Variants in ACSF3 observed in about 807,000 individuals in gnomAD.
The protein encoded by ACSF3 is malonate--CoA ligase ACSF3, mitochondrial.
Under a neutral mutation model 53.2 loss-of-function variants are expected in ACSF3, and 78 were observed. The ratio of observed to expected loss-of-function variants is 1.47; its 90% CI spans 1.22 to 1.77. ACSF3 has a LOEUF of 1.77. ACSF3 is among the 40% of genes most tolerant of loss of function. The probability of loss-of-function intolerance (pLI) is 0.00; values close to 1 mark genes in which losing one functional copy is unlikely to be tolerated. For missense variants in ACSF3, 937 were observed against 771.1 expected, an observed-to-expected ratio of 1.22 and a Z score of -2.55; for synonymous variants, 414 against 333.1, an observed-to-expected ratio of 1.24 and a Z score of -2.65.
chr16:89,101,953 C>G (rs542948287), intron 3 of ACSF3, among the ~76,000 whole-genome samples: 1 of 152,360 alleles, frequency 6.6e-6, no homozygotes, highest in East Asian at 1.9e-4. Flanking sequence ...GCCGTCACTC[C>G]TGGAAGCGGC....
intron 6 of ACSF3, among the ~76,000 whole-genome samples, chr16:89,118,625 C>T (rs1026652163): frequency 6.6e-6 from 1 of 152,220 alleles, no homozygotes; most frequent in Non-Finnish European, 1.5e-5. Context: ...CTGCTCCGTG[C>T]GGTTCCTGTG....
In ACSF3 at chr16:89,154,177, G is replaced by C. The variant is rs1230503810; in HGVS notation, c.1701G>C (p.Lys567Asn). 3.7e-6 allele frequency: 6 copies of C among 1,613,710 alleles called. No individual in the cohort carries two copies. Among genetic ancestry groups the C allele is most frequent in the Admixed American group, 3.3e-5 (2 of 59,974 alleles). Reference sequence around the variant, plus strand: ...ACCAGATGGGCAAGATTGACAAGAAGGCGCTCATCAGGCACTTCCACCCCT... The same window carrying C: ...ACCAGATGGGCAAGATTGACAAGAACGCGCTCATCAGGCACTTCCACCCCT... ...PRNQMGKIDK[K>N]ALIRHFHPS The change falls in exon 11 of 11, where the codon AAG becomes AAC. Residue 567 changes from lysine (K) to asparagine (N), a missense_variant. Lys to Asn is a moderately conservative substitution (Grantham distance 94). Coordinates refer to ENST00000614302, the MANE Select transcript of ACSF3 (RefSeq NM_001243279.3).
chr16:89,136,027 G>A (rs1283727776), intron 8 of ACSF3, among the ~76,000 whole-genome samples: 5 of 152,246 alleles, frequency 3.3e-5, no homozygotes, highest in African/African-American at 7.2e-5. Flanking sequence ...CGCCCGCCTC[G>A]GCCTCCCACA....
At chr16:89,114,099 C>T (rs2151452694) in intron 5 of ACSF3, 1 of 584,690 alleles carries the variant, frequency 1.7e-6, no homozygotes, top group African/African-American at 1.8e-5. Flanking sequence ...GACCTGCTTC[C>T]TTCTAAAATA....
chr16:89,112,606 C>G (rs141624234), intron 5 of ACSF3, among the ~76,000 whole-genome samples: 2 of 152,156 alleles, frequency 1.3e-5, no homozygotes, highest in African/African-American at 2.4e-5. Context: ...TCTGTCTTCT[C>G]TCTGTCTCTC....
At chr16:89,118,774 C>T (rs1009066844) in intron 6 of ACSF3, among the ~76,000 whole-genome samples, 1 of 152,202 alleles carries the variant, frequency 6.6e-6, no homozygotes, top group Admixed American at 6.5e-5. Context: ...TGGCGGTTTC[C>T]GTTCCCTGGG....
intron 8 of ACSF3, chr16:89,136,785 G>A: frequency 1.6e-6 from 2 of 1,287,292 alleles, no homozygotes; most frequent in South Asian, 1.2e-5. Flanking sequence ...TGTGAGGCCA[G>A]GGGTCTCCGC....
chr16:89,124,591 G>T (rs541179393), intron 7 of ACSF3, among the ~76,000 whole-genome samples: 48 of 152,260 alleles, frequency 3.2e-4, no homozygotes, highest in African/African-American at 1.1e-3. Flanking sequence ...CTGTGTGTGT[G>T]ATACCCATGC....
rs1429052215 is a variant in ACSF3 at position 89,101,157 on chromosome 16, T to A, written c.476T>A (p.Val159Glu). ...GAGTACCTGGAGCTCCTGAGCCCGG[T>A]GGTCAGGAAGCTGGGGGTCCCGCTG... ...SQEYLELLSPVVRKLGVPLLP... is the reference protein window; with the variant it reads ...SQEYLELLSPEVRKLGVPLLP... The change falls in exon 3 of 11, where the codon GTG (valine) becomes GAG (glutamate). Residue 159 changes from valine (V) to glutamate (E), a missense_variant. Physicochemically the swap from Val to Glu is moderately radical, Grantham distance 121. Transcript: ENST00000614302. 8 of 1,613,364 alleles carry A rather than the reference T, an allele frequency of 5.0e-6. No homozygotes were observed. The highest frequency in any genetic ancestry group is 1.3e-5 in the African/African-American group (1 of 74,894).
At chr16:89,102,178 T>G (rs1975423754) in intron 3 of ACSF3, among the ~76,000 whole-genome samples, 1 of 152,292 alleles carries the variant, frequency 6.6e-6, no homozygotes, top group African/African-American at 2.4e-5. Context: ...GCTGAGCAGG[T>G]GACGATAATT....
chr16:89,119,158 T>C (rs568709905), intron 6 of ACSF3, among the ~76,000 whole-genome samples: 2 of 152,214 alleles, frequency 1.3e-5, no homozygotes, highest in South Asian at 4.2e-4. Flanking sequence ...ACAATACCAC[T>C]GCTTGGCTGC....
chr16:89,141,203 C>T (rs1397903489), intron 8 of ACSF3: 3 of 1,287,224 alleles, frequency 2.3e-6, no homozygotes, highest in East Asian at 5.5e-5. Flanking sequence ...GCCTCTGAGC[C>T]CTTGATAGCA....
intron 9 of ACSF3, among the ~76,000 whole-genome samples, 194 bp from the exon 10 acceptor site, chr16:89,145,744 C>T (rs752837403): frequency 3.9e-5 from 6 of 152,200 alleles, no homozygotes; most frequent in African/African-American, 9.6e-5. Flanking sequence ...CCAGATCCAC[C>T]GTGGGGAGCC....
At chr16:89,104,211 A>G (rs1045235719) in intron 4 of ACSF3, among the ~76,000 whole-genome samples, 1 of 152,242 alleles carries the variant, frequency 6.6e-6, no homozygotes, top group African/African-American at 2.4e-5. Flanking sequence ...CGTATAATGA[A>G]TATGCCTTTT....
At chr16:89,137,233 C>T (rs1166960965) in intron 8 of ACSF3, among the ~76,000 whole-genome samples, 11 of 150,590 alleles carry the variant, frequency 7.3e-5, no homozygotes, top group African/African-American at 1.7e-4. Context: ...GCCAGGGATC[C>T]CGGGAGGACC....
At position 89,154,528 on chromosome 16, in the gene ACSF3, C is replaced by G. The variant is rs1225547013; in HGVS notation, c.*321C>G. The G allele has an allele frequency of 1.9e-6, 1 of 529,174 alleles. No individual in the cohort carries two copies. The highest frequency in any genetic ancestry group is 3.6e-6 in the Non-Finnish European group (1 of 276,516). 32.8% of individuals were successfully genotyped at this position (529,174 alleles called of 1,614,324 possible). A position where few individuals can be genotyped will look rare whatever the true frequency, so the allele number is the denominator to read the frequency against. ...CCCACAGTGCCCTGCAGTTGCCAGG[C>G]TCTCCAGGGCAGGTCCCAGAGGTTT... is the stretch of plus-strand genomic sequence containing the variant. On this transcript the variant is annotated 3_prime_UTR_variant, in exon 11 of 11. Transcript: ENST00000614302.
chr16:89,147,567 G>T (rs893465475), intron 10 of ACSF3: 1 of 141,368 alleles, frequency 7.1e-6, no homozygotes, highest in Non-Finnish European at 1.5e-5. Flanking sequence ...GGGGTGGGAG[G>T]AGCCACAGAG....
rs191693830 is a variant in ACSF3 at position 89,116,077 on chromosome 16, G to T, written c.1126+1590G>T. 3.3e-5 allele frequency among the ~76,000 whole-genome samples: 5 copies of T among 152,320 alleles called. No homozygotes were observed. The East Asian group carries it at 9.6e-4, about 29-fold the overall frequency. ...CCCAAAGTCACAGAGAATAGTTTCA[G>T]CTCTTACGTTTGGGACCATGATCCA... On this transcript the variant is annotated intron_variant, in intron 6 of 10. Transcript: ENST00000614302.
At chr16:89,143,275 C>T (rs1003108440) in intron 8 of ACSF3, among the ~76,000 whole-genome samples, 1 of 152,108 alleles carries the variant, frequency 6.6e-6, no homozygotes, top group Non-Finnish European at 1.5e-5. Flanking sequence ...TGTGGTGCAT[C>T]CTTGGAGCCA....
Sources: allele counts gnomAD v4.1 joint callset (sites outside exome capture counted in the v4.1 genomes callset), GRCh38; gene constraint gnomAD v4.1.1; transcripts MANE v1.5; gene names NCBI Gene and HGNC (gene_info 2026-07-23, HGNC 2026-07-21).